The following PLEKHA8 variants were observed in gnomAD, a reference collection of about 807,000 sequenced individuals.
PLEKHA8 encodes pleckstrin homology domain containing A8.
Under a neutral mutation model 68.2 loss-of-function variants are expected in PLEKHA8, and 36 were observed. That is an observed-to-expected ratio of 0.53 (90% CI 0.40 to 0.70). The LOEUF is 0.70. PLEKHA8 is among the 30% of genes least tolerant of loss of function. PLEKHA8 has a pLI of 0.00. For missense variants in PLEKHA8, 505 were observed against 615.4 expected, an observed-to-expected ratio of 0.82 and a Z score of 1.90; for synonymous variants, 211 against 216.1, an observed-to-expected ratio of 0.98 and a Z score of 0.20.
At chr7:30,077,254 C>G (rs1794663255) in intron 13 of PLEKHA8, among the ~76,000 whole-genome samples, 1 of 152,014 alleles carries the variant, frequency 6.6e-6, no homozygotes, top group African/African-American at 2.4e-5. Context: ...ATTGTTTTTC[C>G]CCACATTCTG....
chr7:30,078,745 T>C lies in PLEKHA8; in HGVS notation c.1518T>C (p.Thr506=). Residue 506 remains threonine, a synonymous_variant, in exon 14 of 14, where the codon ACT becomes ACC. Transcript: ENST00000449726. The stretch of plus-strand genomic sequence containing the variant: ...AGAAGCAGCTGGCCATACTGGACAC[T>C]TTATATGAGGTCCACGGGCTGGAAT... ...AMEKQLAILD[T]LYEVHGLESD... 3.1e-6 allele frequency: 5 copies of C among 1,613,766 alleles called. No homozygotes were observed. The highest frequency in any genetic ancestry group is 4.2e-6 in the Non-Finnish European group (5 of 1,179,756).
chr7:30,105,686 G>T (rs1174185454), intron 13 of PLEKHA8, among the ~76,000 whole-genome samples: 1 of 152,166 alleles, frequency 6.6e-6, no homozygotes, highest in Non-Finnish European at 1.5e-5. Flanking sequence ...GGCTAAAAGG[G>T]GTAGGCAGGG....
chr7:30,061,314 C>T (rs1288008152), intron 10 of PLEKHA8, among the ~76,000 whole-genome samples: 2 of 152,170 alleles, frequency 1.3e-5, no homozygotes, highest in Admixed American at 6.5e-5. Context: ...AAATAGCTGT[C>T]AGTGGTCTGG....
At chr7:30,117,821 G>T (rs1203451190) in intron 13 of PLEKHA8, 2 of 478,416 alleles carry the variant, frequency 4.2e-6, no homozygotes, top group Non-Finnish European at 7.2e-6. Flanking sequence ...AAAAATGAAG[G>T]CACAAAGCTT....
At position 30,059,666 on chromosome 7, in the gene PLEKHA8, A is replaced by G. The variant is rs79269336; in HGVS notation, c.1040-1218A>G. Reference sequence around the variant, plus strand: ...TGCCTTTCTTTTAGATCAATCAAGTATTTTTTTTTTTTTTTTAAGAATTCC... The same window carrying G: ...TGCCTTTCTTTTAGATCAATCAAGTGTTTTTTTTTTTTTTTTAAGAATTCC... On this transcript the variant is annotated intron_variant, in intron 9 of 13. Coordinates refer to ENST00000449726, the MANE Select transcript of PLEKHA8 (RefSeq NM_001197026.2). Among the ~76,000 whole-genome samples, 89 of 105,536 alleles carry G rather than the reference A, an allele frequency of 8.4e-4. 1 individual carries two copies. Among genetic ancestry groups the G allele is most frequent in the Non-Finnish European group, 1.6e-3 (78 of 48,438 alleles). The allele number at this position is 105,536 out of a possible 152,430, so 69.2% of individuals were successfully genotyped here.
chr7:30,089,388 T>G (rs1172350579), downstream of PLEKHA8, among the ~76,000 whole-genome samples: 1 of 144,036 alleles, frequency 6.9e-6, no homozygotes, highest in Non-Finnish European at 1.5e-5. Context: ...GAGTAACATG[T>G]GGCCCAGAGC....
intron 13 of PLEKHA8, chr7:30,129,118 C>A: frequency 1.8e-6 from 2 of 1,081,420 alleles, no homozygotes; most frequent in South Asian, 1.4e-5. Flanking sequence ...TCTTCCTTAG[C>A]AATAAGATTC....
chr7:30,047,162 G>A (rs147685084), intron 3 of PLEKHA8, among the ~76,000 whole-genome samples: 13 of 152,212 alleles, frequency 8.5e-5, no homozygotes, highest in African/African-American at 2.9e-4. Flanking sequence ...TGCTAAATTG[G>A]TAATAAATTC....
intron 13 of PLEKHA8, 54 bp from the exon 14 acceptor site, chr7:30,078,536 T>TA (rs1794752259): frequency 1.3e-6 from 2 of 1,583,576 alleles, no homozygotes; most frequent in African/African-American, 2.7e-5. Context: ...TGCATAAAAA[T>TA]AAGAGTGTGA....
At chr7:30,094,457 A>G (rs547750880), downstream of PLEKHA8, among the ~76,000 whole-genome samples, 2 of 151,618 alleles carry the variant, frequency 1.3e-5, no homozygotes, top group South Asian at 4.2e-4. Context: ...TGTATTTTTA[A>G]TACAGCCAGG....
rs1390011922 is a variant in PLEKHA8 at position 30,049,312 on chromosome 7, C to T, written c.527C>T (p.Ala176Val). 6 of 1,614,082 alleles carry T rather than the reference C, an allele frequency of 3.7e-6. No individual in the cohort carries two copies. Among genetic ancestry groups the T allele is most frequent in the Non-Finnish European group, 5.1e-6 (6 of 1,180,024 alleles). The change falls in exon 5 of 14, where the codon GCC becomes GTC. Residue 176 changes from alanine (A) to valine (V), a missense_variant. Coordinates refer to ENST00000449726, the MANE Select transcript of PLEKHA8 (RefSeq NM_001197026.2). Reference sequence around the variant, plus strand: ...GAATGCATGCAGATCGCAAATGCAGCCTTCACCTCTGAGCTGCTCTACCGC... The same window carrying T: ...GAATGCATGCAGATCGCAAATGCAGTCTTCACCTCTGAGCTGCTCTACCGC... ...LEECMQIANA[A>V]FTSELLYRTP...
At chr7:30,057,975 A>G (rs1205088496) in intron 9 of PLEKHA8, among the ~76,000 whole-genome samples, 1 of 152,166 alleles carries the variant, frequency 6.6e-6, no homozygotes, top group Admixed American at 6.6e-5. Context: ...GGTAGTGTCA[A>G]TATTTTGTTT....
At chr7:30,031,621 G>A (rs907113124) in intron 1 of PLEKHA8, among the ~76,000 whole-genome samples, 2 of 152,184 alleles carry the variant, frequency 1.3e-5, no homozygotes, top group African/African-American at 4.8e-5. Context: ...ATGTGATTGT[G>A]TGTGTGCATG....
chr7:30,128,089 G>GTTTTTTTTTTTTT (rs1487431952), intron 13 of PLEKHA8, among the ~76,000 whole-genome samples: 1 of 121,588 alleles, frequency 8.2e-6, no homozygotes, highest in African/African-American at 3.0e-5. Context: ...GAGTTTTACT[G>GTTTTTTTTTTTTT]TATTTTTTTT....
At position 30,067,231 on chromosome 7, in the gene PLEKHA8, A is replaced by G. The variant is rs1014650027; in HGVS notation, c.1300+4489A>G. Among the ~76,000 whole-genome samples the G allele has an allele frequency of 7.9e-5, 12 of 152,334 alleles. 1 individual carries two copies. The highest frequency in any genetic ancestry group is 2.6e-4 in the African/African-American group (11 of 41,572). On this transcript the variant is annotated intron_variant, in intron 12 of 13. Coordinates refer to ENST00000449726, the MANE Select transcript of PLEKHA8 (RefSeq NM_001197026.2). ...AAAATACATGCCAAAGCGCTTTGGG[A>G]GGCCAAGGCAGGCAGATCACTTGAG... is the stretch of plus-strand genomic sequence containing the variant.
chr7:30,028,900 G>C, intron 1 of PLEKHA8, 98 bp downstream of exon 1: 2 of 1,188,332 alleles, frequency 1.7e-6, no homozygotes, highest in Non-Finnish European at 2.1e-6. Flanking sequence ...AGGGGGTCAC[G>C]GCCCTTTCCT....
chr7:30,074,193 A>G lies in PLEKHA8; in HGVS notation c.1362+61A>G. 8.3e-6 allele frequency: 12 copies of G among 1,450,012 alleles called. No homozygotes were observed. In the South Asian group the frequency reaches 1.2e-4, roughly 14 times the overall value. The allele number at this position is 1,450,012 out of a possible 1,614,324, so 89.8% of individuals were successfully genotyped here. On this transcript the variant is annotated intron_variant, in intron 13 of 13. Transcript: ENST00000449726. ...ATTGGGTATGCCAGTGGCTAGGGCT[A>G]GAAATCTCTTCTTACCCAGTTATTT...
intron 13 of PLEKHA8, among the ~76,000 whole-genome samples, chr7:30,121,972 G>C (rs951614847): frequency 6.6e-6 from 1 of 152,196 alleles, no homozygotes; most frequent in African/African-American, 2.4e-5. Context: ...TTTTGAAGAG[G>C]GCTGAACTAG....
intron 9 of PLEKHA8, among the ~76,000 whole-genome samples, chr7:30,059,926 G>C (rs1230198266): frequency 2.6e-5 from 4 of 152,236 alleles, no homozygotes; most frequent in Non-Finnish European, 4.4e-5. Context: ...GCTCACGCCT[G>C]TAATCCCAGC....
Sources: gnomAD v4.1 joint callset for allele counts (sites outside exome capture counted in the v4.1 genomes callset) on GRCh38, gnomAD v4.1.1 for gene constraint, MANE v1.5 for transcripts, NCBI Gene and HGNC (gene_info 2026-07-23, HGNC 2026-07-21) for gene names.